Variants in SNTB1 observed in about 807,000 individuals in gnomAD.
SNTB1 encodes syntrophin beta 1.
In SNTB1, 36 loss-of-function variants were observed where a neutral mutation model predicts 48.9. The ratio of observed to expected loss-of-function variants is 0.74; its 90% CI spans 0.56 to 0.97. The LOEUF is 0.97. Among genes scored for constraint, SNTB1 ranks in the 50% least tolerant of loss-of-function variants. The pLI, the probability that SNTB1 is intolerant of heterozygous loss-of-function variation, is 0.00. For missense variants in SNTB1, 786 were observed against 703.4 expected, an observed-to-expected ratio of 1.12 and a Z score of -1.33; for synonymous variants, 299 against 294.6, an observed-to-expected ratio of 1.01 and a Z score of -0.15.
chr8:120,607,950 A>G (rs540775985), intron 3 of SNTB1, among the ~76,000 whole-genome samples: 1 of 152,346 alleles, frequency 6.6e-6, no homozygotes, highest in Admixed American at 6.5e-5. Flanking sequence ...TTTGGATAGG[A>G]TAAAAGGTCT....
At chr8:120,557,704 G>T (rs948913063) in intron 4 of SNTB1, among the ~76,000 whole-genome samples, 2 of 152,150 alleles carry the variant, frequency 1.3e-5, no homozygotes, top group African/African-American at 4.8e-5. Flanking sequence ...ACTAGACCTT[G>T]CTGTCTTTCA....
At chr8:120,639,242 T>G (rs1023426377) in intron 2 of SNTB1, among the ~76,000 whole-genome samples, 3 of 152,218 alleles carry the variant, frequency 2.0e-5, no homozygotes, top group African/African-American at 7.2e-5. Context: ...TGGGGTTGTT[T>G]TTTTCTTGTA....
At chr8:120,651,707 G>A (rs1817413732) in intron 2 of SNTB1, among the ~76,000 whole-genome samples, 4 of 152,168 alleles carry the variant, frequency 2.6e-5, no homozygotes. Flanking sequence ...ATGAGGAAAT[G>A]CAGTAAGAAG....
intron 3 of SNTB1, among the ~76,000 whole-genome samples, chr8:120,584,462 G>A (rs7005784): frequency 0.14 from 6,110 of 43,986 alleles, 273 homozygotes; most frequent in African/African-American, 0.24. Context: ...AAAAAAAAAA[G>A]TGTAGTAATT....
chr8:120,590,464 C>T lies in SNTB1; in HGVS notation c.997-15239G>A, dbSNP rs755407013. On this transcript the variant is annotated intron_variant, in intron 3 of 6. Transcript: ENST00000517992. ...TGAGTAACAGATGCAAAGTAGGAAG[C>T]ACAGGAAACATTATATAGAGTACTT... is the stretch of plus-strand genomic sequence containing the variant. Among the ~76,000 whole-genome samples the T allele has an allele frequency of 4.6e-5, 7 of 151,994 alleles. No individual in the cohort carries two copies. The East Asian group carries it at 1.4e-3, about 29-fold the overall frequency.
intron 6 of SNTB1, among the ~76,000 whole-genome samples, chr8:120,540,902 G>A (rs1254955997): frequency 1.3e-5 from 2 of 152,150 alleles, no homozygotes; most frequent in Admixed American, 6.5e-5. Flanking sequence ...AAAGTCCCTA[G>A]GGTCTGTTAG....
chr8:120,541,679 G>C (rs962806395), intron 6 of SNTB1, 131 bp downstream of exon 6: 6 of 556,324 alleles, frequency 1.1e-5, no homozygotes, highest in Admixed American at 3.8e-5. Context: ...CGTTTTTCAA[G>C]GATCAAATAA....
intron 2 of SNTB1, among the ~76,000 whole-genome samples, chr8:120,646,300 T>C (rs1470160854): frequency 8.3e-6 from 1 of 120,652 alleles, no homozygotes; most frequent in Admixed American, 8.7e-5. Context: ...TGGCTGTGGG[T>C]TTGTCATAGA....
Position 120,811,519 on chromosome 8 carries a change from G to A in SNTB1, c.325C>T (p.Gln109Ter). Reference sequence around the variant, plus strand: ...TTCAGCACCTTCACGCCACGCTTCTGGTTCGAGATGGACTCGGGCACCTGC... The same window carrying A: ...TTCAGCACCTTCACGCCACGCTTCTAGTTCGAGATGGACTCGGGCACCTGC... ...PEQVPESISN[Q>*]KRGVKVLKQE... is the part of the protein sequence containing the mutation. The change falls in exon 1 of 7, where the codon CAG (glutamine) becomes TAG (stop). Residue 109 changes from glutamine (Q) to a stop codon, truncating the protein, a stop_gained. Coordinates refer to ENST00000517992, the MANE Select transcript of SNTB1 (RefSeq NM_021021.4). LOFTEE classifies it high-confidence loss of function. The A allele has an allele frequency of 6.2e-7, 1 of 1,612,628 alleles. No homozygotes were observed. The highest frequency in any genetic ancestry group is 8.5e-7 in the Non-Finnish European group (1 of 1,179,356).
At chr8:120,701,820 G>A (rs1373255767) in intron 1 of SNTB1, among the ~76,000 whole-genome samples, 1 of 152,206 alleles carries the variant, frequency 6.6e-6, no homozygotes, top group East Asian at 1.9e-4. Flanking sequence ...GGACGTTCTT[G>A]GAGAGGGGAT....
At chr8:120,574,403 A>C (rs1228833625) in intron 4 of SNTB1, among the ~76,000 whole-genome samples, 2 of 152,102 alleles carry the variant, frequency 1.3e-5, no homozygotes, top group African/African-American at 4.8e-5. Context: ...GGAAGGAGGA[A>C]ATTTTTGGAG....
At chr8:120,765,639 G>C (rs117956990) in intron 1 of SNTB1, 1 of 152,150 alleles carries the variant, frequency 6.6e-6, no homozygotes, top group African/African-American at 2.4e-5. Flanking sequence ...TCACAGCCTC[G>C]AGCCCTTTAA....
intron 1 of SNTB1, among the ~76,000 whole-genome samples, chr8:120,780,102 A>T (rs563616053): frequency 7.0e-6 from 1 of 142,020 alleles, no homozygotes; most frequent in South Asian, 2.3e-4. Context: ...AAAAAAAAAG[A>T]TCCGTGTCAG....
At chr8:120,545,859 G>A (rs1166562475) in intron 5 of SNTB1, among the ~76,000 whole-genome samples, 1 of 152,198 alleles carries the variant, frequency 6.6e-6, no homozygotes, top group Non-Finnish European at 1.5e-5. Context: ...ATAATTACAA[G>A]AACAACAACT....
At chr8:120,669,686 T>C (rs1817728508) in intron 2 of SNTB1, among the ~76,000 whole-genome samples, 1 of 36,494 alleles carries the variant, frequency 2.7e-5, no homozygotes, top group Non-Finnish European at 4.5e-5. Flanking sequence ...TCTCCTGACC[T>C]CGTGATCCAC....
chr8:120,788,381 C>T (rs574829155), intron 1 of SNTB1, among the ~76,000 whole-genome samples: 2 of 152,204 alleles, frequency 1.3e-5, no homozygotes, highest in South Asian at 2.1e-4. Flanking sequence ...TTCACATTCA[C>T]ATCTTCATAT....
In SNTB1 at chr8:120,725,363, C is replaced by T. The variant is rs192235480; in HGVS notation, c.572-31455G>A. On this transcript the variant is annotated intron_variant, in intron 1 of 6. Coordinates refer to ENST00000517992, the MANE Select transcript of SNTB1 (RefSeq NM_021021.4). ...ATTCTTCCCTGTATCAATCTCTCTGCCCTTCATTCCACTTCTTGAGATCAC... is the reference window on the plus strand; with the variant it reads ...ATTCTTCCCTGTATCAATCTCTCTGTCCTTCATTCCACTTCTTGAGATCAC... Among the ~76,000 whole-genome samples, 269 of 152,278 alleles carry T rather than the reference C, an allele frequency of 1.8e-3. 2 individuals are homozygous for T. Among genetic ancestry groups the T allele is most frequent in the Non-Finnish European group, 2.6e-3 (174 of 68,024 alleles).
At chr8:120,664,515 A>G (rs1399138953) in intron 2 of SNTB1, among the ~76,000 whole-genome samples, 1 of 152,236 alleles carries the variant, frequency 6.6e-6, no homozygotes, top group Non-Finnish European at 1.5e-5. Flanking sequence ...ATTTTAATAA[A>G]TAAAATCATA....
intron 3 of SNTB1, among the ~76,000 whole-genome samples, chr8:120,627,563 T>A (rs1156874895): frequency 1.2e-4 from 18 of 152,350 alleles, no homozygotes; most frequent in African/African-American, 3.6e-4. Context: ...TTCTTGTTTT[T>A]CTTCTTTTAG....
Sources: gnomAD v4.1 joint callset for allele counts (sites outside exome capture counted in the v4.1 genomes callset) on GRCh38, gnomAD v4.1.1 for gene constraint, MANE v1.5 for transcripts, NCBI Gene and HGNC (gene_info 2026-07-23, HGNC 2026-07-21) for gene names.